Variants in MON2 observed in about 807,000 individuals in gnomAD.
MON2 encodes the protein protein MON2 homolog.
A neutral mutation model predicts 208.6 loss-of-function variants in MON2; 84 were observed. The ratio of observed to expected loss-of-function variants is 0.40; its 90% CI spans 0.34 to 0.48. MON2 has a LOEUF of 0.48. MON2 is among the 20% of genes least tolerant of loss of function. The pLI is 0.59. For synonymous variants in MON2, 660 were observed against 694.0 expected, an observed-to-expected ratio of 0.95 and a Z score of 0.77; for missense variants, 1,611 against 2,015.4, an observed-to-expected ratio of 0.80 and a Z score of 3.84.
chr12:62,524,379 C>T (rs975269834), intron 8 of MON2, 136 bp from the exon 9 acceptor site: 2 of 621,352 alleles, frequency 3.2e-6, no homozygotes, highest in Non-Finnish European at 5.6e-6. Flanking sequence ...TGTTTCTCCA[C>T]TCCCCATTAA....
intron 11 of MON2, among the ~76,000 whole-genome samples, chr12:62,527,057 C>T (rs1295777316): frequency 6.6e-6 from 1 of 152,106 alleles, no homozygotes; most frequent in Admixed American, 6.5e-5. Flanking sequence ...ACCTGGGAGG[C>T]AGAGGTTGCA....
chr12:62,518,274 G>C (rs1011836828), intron 8 of MON2, among the ~76,000 whole-genome samples: 2 of 152,128 alleles, frequency 1.3e-5, no homozygotes, highest in Admixed American at 6.5e-5. Context: ...ATGAATTTTG[G>C]GGGTGTATAA....
intron 2 of MON2, among the ~76,000 whole-genome samples, chr12:62,489,030 A>G (rs1307084812): frequency 1.3e-5 from 2 of 152,094 alleles, no homozygotes; most frequent in Admixed American, 6.6e-5. Flanking sequence ...AATTTAATAA[A>G]ATTGCTGTAT....
At chr12:62,532,346 A>G in intron 11 of MON2, 92 bp from the exon 12 acceptor site, 1 of 944,750 alleles carries the variant, frequency 1.1e-6, no homozygotes, top group Non-Finnish European at 1.6e-6. Flanking sequence ...TGTTAATCTT[A>G]ATTTCTATAG....
chr12:62,560,647 CT>C lies in MON2; in HGVS notation c.3567del (p.Val1190Ter). On this transcript the variant is annotated frameshift_variant, in exon 26 of 35. Transcript: ENST00000393630. LOFTEE classifies it high-confidence loss of function. ...VRDSDKPETPPVVNVPVPVLI... is the reference protein window; with the variant it reads ...VRDSDKPETPXVVNVPVPVLI... ...GACTCAGATAAGCCTGAGACACCAC[CT>C]GTAGTTAATGTACCTGTGCCTGTTC... is the stretch of plus-strand genomic sequence containing the variant. 6.2e-7 allele frequency: 1 copy of C among 1,614,042 alleles called. No individual in the cohort carries two copies. Among genetic ancestry groups the C allele is most frequent in the Non-Finnish European group, 8.5e-7 (1 of 1,179,994 alleles).
intron 1 of MON2, among the ~76,000 whole-genome samples, chr12:62,472,143 A>G (rs2068819243): frequency 6.6e-6 from 1 of 152,212 alleles, no homozygotes; most frequent in East Asian, 1.9e-4. Flanking sequence ...GCTAGGTTGG[A>G]TTCCCAAAGA....
intron 33 of MON2, 43 bp from the exon 34 acceptor site, chr12:62,588,031 A>C: frequency 7.5e-7 from 1 of 1,334,170 alleles, no homozygotes; most frequent in Non-Finnish European, 1.1e-6. Flanking sequence ...ATACCTGGCA[A>C]CTTTAAAATC....
intron 11 of MON2, among the ~76,000 whole-genome samples, chr12:62,530,484 GC>G (rs2072581524): frequency 6.6e-6 from 1 of 152,098 alleles, no homozygotes; most frequent in Admixed American, 6.5e-5. Context: ...ACCTGCCTCA[GC>G]CTCCCAAAGT....
intron 24 of MON2, among the ~76,000 whole-genome samples, chr12:62,553,610 A>C (rs1012674677): frequency 6.6e-6 from 1 of 152,212 alleles, no homozygotes; most frequent in African/African-American, 2.4e-5. Context: ...TTAACAGATG[A>C]ATATCAATAG....
At position 62,544,669 on chromosome 12, in the gene MON2, A is replaced by G. The variant is rs1047645167; in HGVS notation, c.2467-229A>G. 10 of 1,038,342 alleles carry G rather than the reference A, an allele frequency of 9.6e-6. No individual in the cohort carries two copies. The South Asian group carries it at 1.3e-4, about 13-fold the overall frequency. The allele number at this position is 1,038,342 out of a possible 1,614,324, so 64.3% of individuals were successfully genotyped here. On this transcript the variant is annotated intron_variant, in intron 20 of 34. Transcript: ENST00000393630. ...TTGCTTCTTTTGTTTACCCTGATATATAATTTACTGTTATGAAATCCTTTC... is the reference window on the plus strand; with the variant it reads ...TTGCTTCTTTTGTTTACCCTGATATGTAATTTACTGTTATGAAATCCTTTC...
In MON2 at chr12:62,597,475, C is replaced by G. The variant is rs1022170844; in HGVS notation, c.*4726C>G. 13 of 152,052 alleles carry G rather than the reference C, an allele frequency of 8.5e-5. No individual in the cohort carries two copies. The highest frequency in any genetic ancestry group is 3.1e-4 in the African/African-American group (13 of 41,470). 9.4% of individuals were successfully genotyped at this position (152,052 alleles called of 1,614,324 possible). On this transcript the variant is annotated 3_prime_UTR_variant, in exon 35 of 35. Coordinates refer to ENST00000393630, the MANE Select transcript of MON2 (RefSeq NM_015026.3). Reference sequence around the variant, plus strand: ...CACTTTGGCCACTGTTGCGTTTTTGCCAAGGTAAAGTTCCCCTGCCATTTT... The same window carrying G: ...CACTTTGGCCACTGTTGCGTTTTTGGCAAGGTAAAGTTCCCCTGCCATTTT...
chr12:62,516,895 T>C (rs904142170), intron 8 of MON2, among the ~76,000 whole-genome samples: 5 of 152,068 alleles, frequency 3.3e-5, no homozygotes, highest in Non-Finnish European at 5.9e-5. Flanking sequence ...AAAAAAAATA[T>C]TTTTAAGTAA....
intron 2 of MON2, among the ~76,000 whole-genome samples, chr12:62,485,807 G>A (rs2069745122): frequency 6.6e-6 from 1 of 152,036 alleles, no homozygotes; most frequent in African/African-American, 2.4e-5. Flanking sequence ...GGGTTCAAGC[G>A]ATTCTCCTGC....
At chr12:62,490,073 C>T in intron 2 of MON2, 1 of 1,012,962 alleles carries the variant, frequency 9.9e-7, no homozygotes, top group Non-Finnish European at 1.3e-6. Flanking sequence ...CTGCTCAGAG[C>T]AAGGAAACCC....
intron 11 of MON2, among the ~76,000 whole-genome samples, chr12:62,531,552 T>A (rs1304474414): frequency 6.6e-6 from 1 of 152,204 alleles, no homozygotes; most frequent in East Asian, 1.9e-4. Context: ...CTACCTGCCA[T>A]GATTTAAAAC....
Position 62,553,126 on chromosome 12 carries a change from G to T in MON2, c.3162G>T (p.Ala1054=), listed in dbSNP as rs779665304. Residue 1054 remains alanine (A), a synonymous_variant, in exon 24 of 35, where the codon GCG becomes GCT. Coordinates refer to ENST00000393630, the MANE Select transcript of MON2 (RefSeq NM_015026.3). The part of the protein sequence containing the change: ...AGQTLFSTIG[A]HGTLLQHSTW... ...AAACTCTGTTTTCTACAATTGGTGCGCATGGAACTTTATTACAGCATTCAA... is the reference window on the plus strand; with the variant it reads ...AAACTCTGTTTTCTACAATTGGTGCTCATGGAACTTTATTACAGCATTCAA... 2 of 1,614,122 alleles carry T rather than the reference G, an allele frequency of 1.2e-6. No individual in the cohort carries two copies. The highest frequency in any genetic ancestry group is 2.2e-5 in the South Asian group (2 of 91,086).
At chr12:62,526,852 T>C (rs2072355957) in intron 11 of MON2, among the ~76,000 whole-genome samples, 1 of 152,092 alleles carries the variant, frequency 6.6e-6, no homozygotes, top group African/African-American at 2.4e-5. Flanking sequence ...CTTGGCCAGG[T>C]ACAGTGACTC....
intron 4 of MON2, among the ~76,000 whole-genome samples, chr12:62,497,582 T>G (rs2070588573): frequency 6.6e-6 from 1 of 152,154 alleles, no homozygotes; most frequent in East Asian, 1.9e-4. Context: ...AGTGTAAAAT[T>G]GTAAAACCAC....
At chr12:62,476,626 G>A (rs1011711664) in intron 1 of MON2, among the ~76,000 whole-genome samples, 7 of 151,814 alleles carry the variant, frequency 4.6e-5, no homozygotes, top group African/African-American at 1.5e-4. Context: ...TAGTAGAGAC[G>A]GGGTTTCACT....
Sources: gnomAD v4.1 joint callset for allele counts (sites outside exome capture counted in the v4.1 genomes callset) on GRCh38, gnomAD v4.1.1 for gene constraint, MANE v1.5 for transcripts, NCBI Gene and HGNC (gene_info 2026-07-23, HGNC 2026-07-21) for gene names.